The following MYL10 variants were observed in gnomAD, a reference collection of about 807,000 sequenced individuals.
The protein encoded by MYL10 is myosin regulatory light chain 10.
A neutral mutation model predicts 21.9 loss-of-function variants in MYL10; 18 were observed. That is an observed-to-expected ratio of 0.82 (90% confidence interval 0.57 to 1.22). MYL10 has a LOEUF of 1.22. MYL10 is among the 50% of genes most tolerant of loss of function. MYL10 has a pLI of 0.00. For missense variants in MYL10, 225 were observed against 230.4 expected (o/e 0.98, Z 0.15); for synonymous variants, 88 against 82.8 (o/e 1.06, Z -0.34).
chr7:101,623,928 C>A lies in MYL10; in HGVS notation c.265G>T (p.Ala89Ser), dbSNP rs1796713043. Residue 89 changes from alanine to serine, a missense_variant, in exon 3 of 8, where the codon GCC (alanine) becomes TCC (serine). Coordinates refer to ENST00000223167, the MANE Select transcript of MYL10 (RefSeq NM_138403.5). ...CCTGCAATCCCACCTACTTGGGAGG[C>A]TGAGGCAGGAGAATTGCTTGAACCC... ...LTGSSNSPAS[A>S]SQAFTIMDQN... is the part of the protein sequence containing the mutation. The A allele has an allele frequency of 2.8e-6, 1 of 359,352 alleles. No homozygotes were observed. The highest frequency in any genetic ancestry group is 5.1e-6 in the Non-Finnish European group (1 of 195,374). 22.3% of individuals were successfully genotyped at this position (359,352 alleles called of 1,614,324 possible).
intron 5 of MYL10, among the ~76,000 whole-genome samples, chr7:101,616,950 G>A (rs771797546): frequency 6.6e-6 from 1 of 152,236 alleles, no homozygotes; most frequent in Non-Finnish European, 1.5e-5. Context: ...CTTGGGGAGA[G>A]ATGTCATTAG....
In MYL10 at chr7:101,623,915, C is replaced by T. The variant is rs775398891; in HGVS notation, c.273+5G>A. 26 of 330,056 alleles carry T rather than the reference C, an allele frequency of 7.9e-5. No individual in the cohort carries two copies. Among genetic ancestry groups the T allele is most frequent in the South Asian group, 7.3e-4 (22 of 29,952 alleles). 20.4% of individuals were successfully genotyped at this position (330,056 alleles called of 1,614,324 possible). A position where few individuals can be genotyped will look rare whatever the true frequency, so the allele number is the denominator to read the frequency against. On this transcript the variant is annotated splice_donor_5th_base_variant and intron_variant, in intron 3 of 7. Coordinates refer to ENST00000223167, the MANE Select transcript of MYL10 (RefSeq NM_138403.5). ...ATGGTGGTGCGTGCCTGCAATCCCA[C>T]CTACTTGGGAGGCTGAGGCAGGAGA...
intron 5 of MYL10, among the ~76,000 whole-genome samples, chr7:101,621,041 C>T (rs922338171): frequency 1.3e-5 from 2 of 151,956 alleles, no homozygotes; most frequent in African/African-American, 4.8e-5. Flanking sequence ...CACCCACCTC[C>T]GCCTCCCAGA....
intron 6 of MYL10, among the ~76,000 whole-genome samples, chr7:101,615,283 T>C (rs113325472): frequency 1.7e-4 from 26 of 152,252 alleles, no homozygotes; most frequent in African/African-American, 6.0e-4. Context: ...TCTTTGCTTA[T>C]CTGTCCGCCC....
chr7:101,621,152 C>G lies in MYL10; in HGVS notation c.454+944G>C, dbSNP rs551388097. Reference sequence around the variant, plus strand: ...GGATGTCACTATGGGAGAGCTCCCCCGAGGCCAGGACAGAAAGGAGACACA... The same window carrying G: ...GGATGTCACTATGGGAGAGCTCCCCGGAGGCCAGGACAGAAAGGAGACACA... On this transcript the variant is annotated intron_variant, in intron 5 of 7. Coordinates refer to ENST00000223167, the MANE Select transcript of MYL10 (RefSeq NM_138403.5). 2.0e-5 allele frequency among the ~76,000 whole-genome samples: 3 copies of G among 152,126 alleles called. No homozygotes were observed. The South Asian group carries it at 6.3e-4, about 32-fold the overall frequency.
intron 5 of MYL10, among the ~76,000 whole-genome samples, chr7:101,618,668 A>G (rs1459018394): frequency 6.6e-6 from 1 of 152,082 alleles, no homozygotes; most frequent in African/African-American, 2.4e-5. Flanking sequence ...CCTCTTCCCA[A>G]TTAGCGGGGT....
intron 5 of MYL10, among the ~76,000 whole-genome samples, chr7:101,617,105 G>A (rs536121791): frequency 4.4e-4 from 67 of 152,332 alleles, no homozygotes; most frequent in Non-Finnish European, 6.3e-4. Flanking sequence ...GGCCACCCTC[G>A]CCCGGTGCCC....
intron 1 of MYL10, among the ~76,000 whole-genome samples, chr7:101,627,819 A>G (rs12667267): frequency 0.91 from 138,278 of 152,284 alleles, 63,506 homozygotes; most frequent in East Asian, 1. Context: ...TGCCTACCCC[A>G]ATGGGAAGAC....
chr7:101,619,478 G>A (rs1317925991), intron 5 of MYL10, among the ~76,000 whole-genome samples: 1 of 152,302 alleles, frequency 6.6e-6, no homozygotes, highest in Non-Finnish European at 1.5e-5. Flanking sequence ...GTGCGTGGAG[G>A]CTGCTCTACC....
intron 6 of MYL10, among the ~76,000 whole-genome samples, chr7:101,615,077 T>C (rs1204420900): frequency 3.3e-5 from 5 of 152,060 alleles, no homozygotes; most frequent in African/African-American, 1.2e-4. Flanking sequence ...TGTCACTGGG[T>C]GGGGCACCCC....
chr7:101,626,406 C>A (rs920516961), intron 1 of MYL10, among the ~76,000 whole-genome samples: 1 of 152,174 alleles, frequency 6.6e-6, no homozygotes, highest in African/African-American at 2.4e-5. Context: ...GCTGAGAAGA[C>A]AAGACAGAGA....
In MYL10 at chr7:101,624,016, C is replaced by T. The variant is rs1352291015; in HGVS notation, c.177G>A (p.Leu59=). 3.2e-6 allele frequency: 2 copies of T among 628,306 alleles called. No homozygotes were observed. The highest frequency in any genetic ancestry group is 5.7e-6 in the Non-Finnish European group (2 of 353,580). 38.9% of individuals were successfully genotyped at this position (628,306 alleles called of 1,614,324 possible). Residue 59 remains leucine (L), a synonymous_variant, in exon 3 of 8, where the codon CTG becomes CTA. Transcript: ENST00000223167. ...QSQIQEFKES[L]ALSPRLERNG... ...TGCGCTCCAGCCTGGGCGACAGAGC[C>T]AGACTCTGTCAAACAAACAAATAAT... is the stretch of plus-strand genomic sequence containing the variant.
rs1186824734 is a variant in MYL10 at position 101,629,095 on chromosome 7, G to A, written c.24C>T (p.Asn8=). 1 of 400,206 alleles carries A rather than the reference G, an allele frequency of 2.5e-6. No homozygotes were observed. Among genetic ancestry groups the A allele is most frequent in the Admixed American group, 3.3e-5 (1 of 30,224 alleles). The allele number at this position is 400,206 out of a possible 1,614,324, so 24.8% of individuals were successfully genotyped here. Residue 8 remains asparagine (N), a synonymous_variant, in exon 1 of 8, where the codon AAC becomes AAT. Transcript: ENST00000223167. ...GAGGGAGGATCACTTGAGGCCAGGA[G>A]TTTGAGACCAGCCTAAGCAACATGG... The part of the protein sequence containing the change: MLLRLVS[N]SWPQVILPPR...
chr7:101,627,157 T>C (rs1169222891), intron 1 of MYL10, among the ~76,000 whole-genome samples: 3 of 145,208 alleles, frequency 2.1e-5, no homozygotes, highest in Non-Finnish European at 3.0e-5. Flanking sequence ...AAAATAGCCA[T>C]GTGTGGTGGC....
intron 5 of MYL10, 75 bp from the exon 6 acceptor site, chr7:101,616,373 A>AGGGGCT: frequency 8.0e-7 from 1 of 1,255,782 alleles, no homozygotes; most frequent in South Asian, 1.2e-5. Flanking sequence ...AAGGCTGGGC[A>AGGGGCT]GGGGCTGGGG....
intron 5 of MYL10, among the ~76,000 whole-genome samples, chr7:101,621,482 T>C (rs907764884): frequency 2.6e-5 from 4 of 151,928 alleles, no homozygotes; most frequent in African/African-American, 9.7e-5. Context: ...CCCAGCCCCA[T>C]GTGCAGAGCG....
intron 5 of MYL10, among the ~76,000 whole-genome samples, chr7:101,619,082 C>G (rs1782352144): frequency 6.6e-6 from 1 of 152,164 alleles, no homozygotes; most frequent in South Asian, 2.1e-4. Flanking sequence ...GGCCGTCCAC[C>G]CTGGCAGAAC....
At chr7:101,628,043 C>T (rs1169332227) in intron 1 of MYL10, among the ~76,000 whole-genome samples, 1 of 152,200 alleles carries the variant, frequency 6.6e-6, no homozygotes, top group Non-Finnish European at 1.5e-5. Flanking sequence ...ACCTGGCCCT[C>T]GGGGGCCCCT....
chr7:101,613,623 G>A (rs751520493), intron 7 of MYL10, 39 bp downstream of exon 7: 9 of 1,613,798 alleles, frequency 5.6e-6, no homozygotes, highest in Middle Eastern at 1.6e-4. Context: ...GGGGGCCAGA[G>A]CAGAGAATCC....
Sources: allele counts gnomAD v4.1 joint callset (sites outside exome capture counted in the v4.1 genomes callset), GRCh38; gene constraint gnomAD v4.1.1; transcripts MANE v1.5; gene names NCBI Gene and HGNC (gene_info 2026-07-23, HGNC 2026-07-21).